CAMTA1: variants seen among roughly 807,000 people sequenced by gnomAD.
CAMTA1 encodes the protein calmodulin binding transcription activator 1, also known as calmodulin-binding transcription activator 1.
CAMTA1 carries 27 observed loss-of-function variants against 170.9 expected under a neutral mutation model. The ratio of observed to expected loss-of-function variants is 0.16; its 90% confidence interval spans 0.12 to 0.22. The LOEUF (loss-of-function observed/expected upper bound fraction) is 0.22, where lower values mean the gene tolerates loss of function less well. CAMTA1 is among the 10% of genes least tolerant of loss of function. CAMTA1 has a pLI of 1.00. For missense variants in CAMTA1, 1,619 were observed against 2,217.2 expected (o/e 0.73, Z 5.42); for synonymous variants, 833 against 891.5 (o/e 0.93, Z 1.17).
At chr1:7,108,145 C>G (rs1643790283) in intron 4 of CAMTA1, among the ~76,000 whole-genome samples, 1 of 152,098 alleles carries the variant, frequency 6.6e-6, no homozygotes, top group Non-Finnish European at 1.5e-5. Flanking sequence ...AGTTAGCGAG[C>G]CCCAAATATT....
intron 5 of CAMTA1, among the ~76,000 whole-genome samples, chr1:7,381,375 A>T (rs867059282): frequency 6.7e-6 from 1 of 149,280 alleles, no homozygotes; most frequent in Non-Finnish European, 1.5e-5. Flanking sequence ...TCATTGTTCA[A>T]TTCCCACCTA....
intron 6 of CAMTA1, among the ~76,000 whole-genome samples, chr1:7,471,844 GC>G (rs2093337300): frequency 6.6e-6 from 1 of 152,202 alleles, no homozygotes. Flanking sequence ...CTCCTCATGT[GC>G]CCCTTTCTCC....
chr1:7,166,258 G>C (rs182975052), intron 4 of CAMTA1, among the ~76,000 whole-genome samples: 5 of 152,172 alleles, frequency 3.3e-5, no homozygotes, highest in African/African-American at 1.2e-4. Context: ...AGTAGAGACA[G>C]GGTTTCACCA....
intron 3 of CAMTA1, among the ~76,000 whole-genome samples, chr1:6,870,674 C>G (rs558238325): frequency 5.3e-4 from 80 of 152,280 alleles, no homozygotes; most frequent in Non-Finnish European, 1.0e-3. Context: ...AGTGGGAACT[C>G]TTGTAAAAAG....
chr1:7,133,078 A>G (rs570180137), intron 4 of CAMTA1, among the ~76,000 whole-genome samples: 1 of 152,236 alleles, frequency 6.6e-6, no homozygotes, highest in East Asian at 1.9e-4. Flanking sequence ...GTCTGGTTTT[A>G]TATCGGGGTA....
chr1:7,196,473 T>G (rs1462533006), intron 4 of CAMTA1, among the ~76,000 whole-genome samples: 1 of 152,194 alleles, frequency 6.6e-6, no homozygotes, highest in Non-Finnish European at 1.5e-5. Flanking sequence ...GATGGGACAT[T>G]CCAGTTAGCA....
At chr1:7,387,438 C>T (rs1452616196) in intron 5 of CAMTA1, among the ~76,000 whole-genome samples, 1 of 152,162 alleles carries the variant, frequency 6.6e-6, no homozygotes, top group African/African-American at 2.4e-5. Context: ...ATCTGTTTTC[C>T]ATTTCTGTCC....
chr1:7,103,581 C>A (rs1174388770), intron 4 of CAMTA1, among the ~76,000 whole-genome samples: 2 of 144,344 alleles, frequency 1.4e-5, no homozygotes, highest in Non-Finnish European at 3.0e-5. Context: ...CAACTACACA[C>A]ATGTACACAC....
At chr1:7,636,171 G>A (rs575221847) in intron 6 of CAMTA1, among the ~76,000 whole-genome samples, 28 of 152,346 alleles carry the variant, frequency 1.8e-4, no homozygotes, top group African/African-American at 6.5e-4. Flanking sequence ...CCCGGTGTTG[G>A]GCAGGTGCCC....
chr1:7,648,861 T>TC (rs2095828273), intron 7 of CAMTA1, among the ~76,000 whole-genome samples: 1 of 151,376 alleles, frequency 6.6e-6, no homozygotes. Flanking sequence ...TGTGCTGGGG[T>TC]CCCCAGGACC....
In CAMTA1 at chr1:7,144,255, GTGTGTGTT is replaced by G. The variant is rs1278101045; in HGVS notation, c.302+52892_302+52899del. ...TTTCTAAGTGTGTGTGTGTGTGTAT[GTGTGTGTT>G]TGTGTGTATGAGTGTGTGTTTGTGT... is the stretch of plus-strand genomic sequence containing the variant. On this transcript the variant is annotated intron_variant, in intron 4 of 22. Transcript: ENST00000303635. The surrounding 1 kb of genome is among the most constrained non-coding windows in gnomAD (Gnocchi z 4.0). Among the ~76,000 whole-genome samples the G allele has an allele frequency of 1.6e-4, 24 of 151,904 alleles. No homozygotes were observed. Among genetic ancestry groups the G allele is most frequent in the African/African-American group, 5.8e-4 (24 of 41,242 alleles).
At chr1:7,489,739 C>T (rs562720142) in intron 6 of CAMTA1, among the ~76,000 whole-genome samples, 8 of 152,328 alleles carry the variant, frequency 5.3e-5, no homozygotes, top group African/African-American at 1.7e-4. Context: ...GTGGTGGAGG[C>T]GATCCTCATT....
chr1:7,372,757 A>G (rs931941612), intron 5 of CAMTA1, among the ~76,000 whole-genome samples: 8 of 152,246 alleles, frequency 5.3e-5, no homozygotes, highest in African/African-American at 1.9e-4. Flanking sequence ...CACAGAAGTG[A>G]TGCACAGAGA....
At chr1:7,139,305 A>G (rs1645755196) in intron 4 of CAMTA1, among the ~76,000 whole-genome samples, 1 of 144,826 alleles carries the variant, frequency 6.9e-6, no homozygotes, top group Non-Finnish European at 1.5e-5. Flanking sequence ...ATAAAATTAT[A>G]TAATATATAT....
rs576051004 is a variant in CAMTA1, at chr1:7,251,019, A to G, written c.438+1393A>G. On this transcript the variant is annotated intron_variant, in intron 5 of 22. Transcript: ENST00000303635. The surrounding 1 kb of genome is among the most constrained non-coding windows in gnomAD (Gnocchi z 5.1). ...GACCCTCATCTCCTACGCTGGAGGG[A>G]GAGGTAGAGAGTGAGGCAAGGCTGG... Among the ~76,000 whole-genome samples, 1 of 152,182 alleles carries G rather than the reference A, an allele frequency of 6.6e-6. No homozygotes were observed. Among genetic ancestry groups the G allele is most frequent in the South Asian group, 2.1e-4 (1 of 4,824 alleles).
At chr1:7,002,684 T>C (rs771018164) in intron 3 of CAMTA1, among the ~76,000 whole-genome samples, 8 of 152,190 alleles carry the variant, frequency 5.3e-5, no homozygotes, top group Non-Finnish European at 1.0e-4. Flanking sequence ...CGACAGTGCA[T>C]CTCCTTGATT....
At chr1:7,091,990 G>T (rs1328622431) in intron 4 of CAMTA1, among the ~76,000 whole-genome samples, 2 of 152,320 alleles carry the variant, frequency 1.3e-5, no homozygotes, top group East Asian at 3.9e-4. Flanking sequence ...GGTGATGTTG[G>T]GACTTAGGGT....
chr1:7,600,928 C>A (rs1013272720), intron 6 of CAMTA1, among the ~76,000 whole-genome samples: 1 of 151,566 alleles, frequency 6.6e-6, no homozygotes, highest in South Asian at 2.1e-4. Context: ...GTCTTTTCCC[C>A]ACCTTTCCCC....
chr1:6,889,722 G>A (rs949061103), intron 3 of CAMTA1, among the ~76,000 whole-genome samples: 4 of 152,142 alleles, frequency 2.6e-5, no homozygotes, highest in Non-Finnish European at 5.9e-5. Context: ...CTCTTATATT[G>A]TGTGTGTGTA....
Sources: allele counts gnomAD v4.1 joint callset (sites outside exome capture counted in the v4.1 genomes callset), GRCh38; gene constraint gnomAD v4.1.1; non-coding constraint Gnocchi (gnomAD v3.1); transcripts MANE v1.5; gene names NCBI Gene and HGNC (gene_info 2026-07-23, HGNC 2026-07-21).